Variants in CELF2 observed in about 807,000 individuals in gnomAD.
The protein encoded by CELF2 is CUG triplet repeat RNA-binding protein 2.
A neutral mutation model predicts 62.6 loss-of-function variants in CELF2; 8 were observed. The observed-to-expected ratio is 0.13, with a 90% CI of 0.07 to 0.23. The LOEUF (loss-of-function observed/expected upper bound fraction) is 0.23. CELF2 is among the 10% of genes least tolerant of loss of function. The probability of loss-of-function intolerance (pLI) is 1.00; values close to 1 mark genes in which losing one functional copy is unlikely to be tolerated. For missense variants in CELF2, 333 were observed against 671.0 expected, an observed-to-expected ratio of 0.50 and a Z score of 5.56; for synonymous variants, 258 against 250.0, an observed-to-expected ratio of 1.03 and a Z score of -0.30.
the CELF2 span, among the ~76,000 whole-genome samples, chr10:10,754,062 T>TTTTTTTTG: frequency 4.0e-3 from 45 of 11,220 alleles, no homozygotes; most frequent in African/African-American, 0.019. Context: ...GCTGAGGTGG[T>TTTTTTTTG]TTTTTTTTTT....
intron 1 of CELF2, among the ~76,000 whole-genome samples, chr10:11,045,235 A>G (rs958916515): frequency 2.0e-5 from 3 of 152,132 alleles, no homozygotes; most frequent in Non-Finnish European, 2.9e-5. Flanking sequence ...TGCAGCCTCA[A>G]GCTCCTGAGC....
At chr10:10,558,622 C>A in the CELF2 span, among the ~76,000 whole-genome samples, 4 of 151,988 alleles carry the variant, frequency 2.6e-5, no homozygotes, top group East Asian at 5.8e-4. Flanking sequence ...ACCAGTTCCT[C>A]CTTGTACCTC....
the CELF2 span, among the ~76,000 whole-genome samples, chr10:10,718,882 CAAAGATAAAT>C: frequency 6.6e-6 from 1 of 151,590 alleles, no homozygotes; most frequent in African/African-American, 2.4e-5. Context: ...TTTTAAGCAG[CAAAGATAAAT>C]AATTATTCAA....
chr10:10,905,193 C>T (rs79761362), intron 1 of CELF2, among the ~76,000 whole-genome samples: 3,815 of 152,218 alleles, frequency 0.025, 169 homozygotes, highest in African/African-American at 0.087. Context: ...AAACATACTA[C>T]GTAATAATTG....
the CELF2 span, among the ~76,000 whole-genome samples, chr10:10,741,197 T>C: frequency 6.6e-6 from 1 of 152,080 alleles, no homozygotes; most frequent in Non-Finnish European, 1.5e-5. Context: ...ATACCTTAAA[T>C]ACACACAATA....
chr10:10,550,580 G>T, the CELF2 span, among the ~76,000 whole-genome samples: 1 of 152,162 alleles, frequency 6.6e-6, no homozygotes, highest in Admixed American at 6.5e-5. Context: ...AGGTAATGAG[G>T]TGTGATCTCT....
At chr10:10,816,658 C>T (rs759102851) in intron 1 of CELF2, among the ~76,000 whole-genome samples, 32 of 152,230 alleles carry the variant, frequency 2.1e-4, no homozygotes, top group Non-Finnish European at 4.4e-4. Context: ...GCAATCCATT[C>T]TTCAGATGGG....
At chr10:10,704,111 T>TG in the CELF2 span, among the ~76,000 whole-genome samples, 1 of 152,256 alleles carries the variant, frequency 6.6e-6, no homozygotes, top group African/African-American at 2.4e-5. Flanking sequence ...GCAGTCCCAG[T>TG]GCCATGTCTG....
chr10:10,905,911 G>GA (rs2063306651), intron 1 of CELF2, among the ~76,000 whole-genome samples: 6 of 149,440 alleles, frequency 4.0e-5, no homozygotes, highest in Admixed American at 2.0e-4. Context: ...AAAGAAAAAA[G>GA]AAAAAAATAC....
In CELF2 at chr10:11,318,584, G is replaced by A. The variant is rs1486898847; in HGVS notation, c.1097-2605G>A. ...TGAAGTGGAGCCAGGAGAGAAGGAT[G>A]TGGCTGGAATGTCACTGGCTGGAGC... On this transcript the variant is annotated intron_variant, in intron 10 of 12. Transcript: ENST00000633077. The surrounding 1 kb of genome is among the most constrained non-coding windows in gnomAD (Gnocchi z 5.4). 2.7e-6 allele frequency: 1 copy of A among 372,306 alleles called. No individual in the cohort carries two copies. Among genetic ancestry groups the A allele is most frequent in the Non-Finnish European group, 5.4e-6 (1 of 184,560 alleles). The allele number at this position is 372,306 out of a possible 1,614,324, so 23.1% of individuals were successfully genotyped here. A position where few individuals can be genotyped will look rare whatever the true frequency, so the allele number is the denominator to read the frequency against.
At position 11,279,974 on chromosome 10, in the gene CELF2, T is replaced by G. The variant is rs190504219; in HGVS notation, c.841+4854T>G. On this transcript the variant is annotated intron_variant, in intron 8 of 12. Transcript: ENST00000633077. ...GCCCCTGGTTCGAGAGGTGCCCATC[T>G]GAGCAGAGTGCTTCATGAAGTCAAA... Among the ~76,000 whole-genome samples, 88 of 152,314 alleles carry G rather than the reference T, an allele frequency of 5.8e-4. 1 individual carries two copies. The highest frequency in any genetic ancestry group is 2.0e-3 in the African/African-American group (83 of 41,572).
intron 2 of CELF2, among the ~76,000 whole-genome samples, chr10:11,199,304 C>T (rs948613417): frequency 2.0e-4 from 30 of 152,264 alleles, no homozygotes; most frequent in African/African-American, 7.2e-4. Context: ...ATCTCTTAGG[C>T]CTGCTTTTCC....
At chr10:10,636,468 A>G in the CELF2 span, among the ~76,000 whole-genome samples, 5 of 152,224 alleles carry the variant, frequency 3.3e-5, no homozygotes, top group African/African-American at 1.2e-4. Flanking sequence ...GCTCTGTGCT[A>G]GAGCAGAATA....
At chr10:10,643,775 T>C in the CELF2 span, among the ~76,000 whole-genome samples, 1 of 152,180 alleles carries the variant, frequency 6.6e-6, no homozygotes, top group East Asian at 1.9e-4. Flanking sequence ...AAAGTGAACA[T>C]CAATATTTTA....
chr10:10,725,898 TA>T, the CELF2 span, among the ~76,000 whole-genome samples: 1,978 of 145,070 alleles, frequency 0.014, 42 homozygotes, highest in African/African-American at 0.042. Context: ...ATTCTACAAT[TA>T]AAAAAAAAAA....
rs969975832 is a variant in CELF2 at position 11,258,020 on chromosome 10, C to T, written c.538+148C>T. On this transcript the variant is annotated intron_variant, in intron 5 of 12. Transcript: ENST00000633077. ...AAGTTATCCAACCTGAACTTTTCAC[C>T]ATAGCTGAAATCATCACCTTTTATT... The T allele has an allele frequency of 5.7e-6, 5 of 880,398 alleles. No individual in the cohort carries two copies. The African/African-American group carries it at 8.4e-5, about 15-fold the overall frequency. The allele number at this position is 880,398 out of a possible 1,614,324, so 54.5% of individuals were successfully genotyped here. A position where few individuals can be genotyped will look rare whatever the true frequency, so the allele number is the denominator to read the frequency against.
chr10:11,308,028 T>C (rs536022164), intron 9 of CELF2, among the ~76,000 whole-genome samples: 128 of 152,348 alleles, frequency 8.4e-4, no homozygotes, highest in African/African-American at 3.1e-3. Context: ...GTTTTGTGTC[T>C]TGTGTTTTGC....
chr10:11,239,079 G>A (rs892996767), intron 3 of CELF2, among the ~76,000 whole-genome samples: 7 of 152,116 alleles, frequency 4.6e-5, no homozygotes, highest in African/African-American at 7.2e-5. Context: ...TCTGACAGCC[G>A]ATTAGAGTAA....
At chr10:10,822,746 G>A (rs1182113185) in intron 1 of CELF2, among the ~76,000 whole-genome samples, 1 of 152,206 alleles carries the variant, frequency 6.6e-6, no homozygotes, top group Non-Finnish European at 1.5e-5. Context: ...GGGGGAGAAG[G>A]AGAGAGAGAA....
Sources: gnomAD v4.1 joint callset for allele counts (sites outside exome capture counted in the v4.1 genomes callset) on GRCh38, gnomAD v4.1.1 for gene constraint, Gnocchi (gnomAD v3.1) non-coding constraint, MANE v1.5 for transcripts, NCBI Gene and HGNC (gene_info 2026-07-23, HGNC 2026-07-21) for gene names.